The following ARFGEF2 variants were observed in gnomAD, a reference collection of about 807,000 sequenced individuals.
The protein encoded by ARFGEF2 is brefeldin A-inhibited guanine nucleotide-exchange protein 2.
In ARFGEF2, 74 loss-of-function variants were observed where a neutral mutation model predicts 219.9. That is an observed-to-expected ratio of 0.34 (90% CI 0.28 to 0.41). The LOEUF (loss-of-function observed/expected upper bound fraction) is 0.41, where lower values mean the gene tolerates loss of function less well. ARFGEF2 is among the 10% of genes least tolerant of loss of function. The probability of loss-of-function intolerance (pLI) is 1.00; values close to 1 mark genes in which losing one functional copy is unlikely to be tolerated. For synonymous variants in ARFGEF2, 733 were observed against 799.2 expected (o/e 0.92, Z 1.40); for missense variants, 1,743 against 2,218.3 (o/e 0.79, Z 4.30).
At chr20:48,935,248 C>G (rs2090940504) in intron 1 of ARFGEF2, among the ~76,000 whole-genome samples, 1 of 152,088 alleles carries the variant, frequency 6.6e-6, no homozygotes, top group Non-Finnish European at 1.5e-5. Context: ...CGGCCTTCCG[C>G]AGTGTTTGTG....
At chr20:48,924,469 G>C (rs1035886074) in intron 1 of ARFGEF2, among the ~76,000 whole-genome samples, 1 of 135,844 alleles carries the variant, frequency 7.4e-6, no homozygotes, top group South Asian at 2.3e-4. Flanking sequence ...CTGAGATTGC[G>C]CCACTGCACT....
Position 49,034,737 on chromosome 20 carries a change from C to T in ARFGEF2, c.*1538C>T, listed in dbSNP as rs2091656343. 6.6e-6 allele frequency: 1 copy of T among 152,192 alleles called. No homozygotes were observed. The highest frequency in any genetic ancestry group is 2.1e-4 in the South Asian group (1 of 4,832). The allele number at this position is 152,192 out of a possible 1,614,324, so 9.4% of individuals were successfully genotyped here. On this transcript the variant is annotated 3_prime_UTR_variant, in exon 39 of 39. Coordinates refer to ENST00000371917, the MANE Select transcript of ARFGEF2 (RefSeq NM_006420.3). Reference sequence around the variant, plus strand: ...GTTTTTTCTTTGTAGAGAAGGATTTCTGGTGCTTTTGCTTACTAAGAGACC... The same window carrying T: ...GTTTTTTCTTTGTAGAGAAGGATTTTTGGTGCTTTTGCTTACTAAGAGACC...
chr20:48,944,811 G>C (rs544639856), intron 3 of ARFGEF2, among the ~76,000 whole-genome samples: 9 of 152,170 alleles, frequency 5.9e-5, no homozygotes, highest in African/African-American at 2.2e-4. Flanking sequence ...TTAACCAGGG[G>C]TCATCAGCTT....
intron 34 of ARFGEF2, among the ~76,000 whole-genome samples, chr20:49,020,032 AG>A (rs1416486457): frequency 6.6e-6 from 1 of 152,232 alleles, no homozygotes; most frequent in Non-Finnish European, 1.5e-5. Context: ...TAATCCTCAT[AG>A]TAGCCTTTGA....
intron 6 of ARFGEF2, among the ~76,000 whole-genome samples, chr20:48,959,949 A>T (rs376991522): frequency 6.4e-4 from 97 of 152,276 alleles, no homozygotes; most frequent in African/African-American, 2.2e-3. Context: ...GCATTCAGAA[A>T]ATATAACTAA....
At chr20:49,013,005 G>C (rs1057472914) in intron 28 of ARFGEF2, among the ~76,000 whole-genome samples, 1 of 152,130 alleles carries the variant, frequency 6.6e-6, no homozygotes, top group South Asian at 2.1e-4. Flanking sequence ...AAGACTGCCA[G>C]GTCCTAGCTG....
intron 8 of ARFGEF2, among the ~76,000 whole-genome samples, chr20:48,968,245 A>C (rs1186954495): frequency 2.0e-5 from 3 of 152,102 alleles, no homozygotes; most frequent in South Asian, 2.1e-4. Flanking sequence ...CGCCCGCCTC[A>C]GCCTCCCAAA....
chr20:49,018,260 G>A (rs2091543104), intron 33 of ARFGEF2, among the ~76,000 whole-genome samples: 1 of 152,062 alleles, frequency 6.6e-6, no homozygotes, highest in South Asian at 2.1e-4. Flanking sequence ...TCGAGACAGA[G>A]TCTCGCTCTG....
chr20:48,945,929 A>T (rs73264233), intron 3 of ARFGEF2, among the ~76,000 whole-genome samples: 2,128 of 152,312 alleles, frequency 0.014, 47 homozygotes, highest in African/African-American at 0.048. Context: ...ATTCTCTGAG[A>T]TGTAATAGGT....
intron 31 of ARFGEF2, among the ~76,000 whole-genome samples, chr20:49,016,651 T>C (rs1319568278): frequency 6.6e-6 from 1 of 152,196 alleles, no homozygotes; most frequent in Non-Finnish European, 1.5e-5. Context: ...TGTACCTTCA[T>C]GTATTATACT....
At chr20:48,946,225 G>A (rs1056731779) in intron 3 of ARFGEF2, among the ~76,000 whole-genome samples, 69 of 152,314 alleles carry the variant, frequency 4.5e-4, no homozygotes, top group African/African-American at 1.5e-3. Flanking sequence ...GCAGCAGTAG[G>A]AGTGGCAAAG....
chr20:48,958,382 C>G (rs1453696724), intron 6 of ARFGEF2, among the ~76,000 whole-genome samples: 1 of 151,940 alleles, frequency 6.6e-6, no homozygotes, highest in South Asian at 2.1e-4. Flanking sequence ...CCAGAGCCCT[C>G]GCTGTTATTC....
intron 4 of ARFGEF2, among the ~76,000 whole-genome samples, chr20:48,951,828 C>T (rs1008945700): frequency 6.6e-6 from 1 of 152,108 alleles, no homozygotes; most frequent in Non-Finnish European, 1.5e-5. Context: ...CTTCCCTGTT[C>T]GATTTCTGCT....
intron 34 of ARFGEF2, among the ~76,000 whole-genome samples, chr20:49,022,154 CAAAAAA>C (rs58870256): frequency 5.7e-5 from 4 of 70,182 alleles, no homozygotes; most frequent in African/African-American, 2.1e-4. Context: ...GACTCCGTCT[CAAAAAA>C]AAAAAAAAAA....
chr20:48,961,186 T>C (rs2091148320), intron 6 of ARFGEF2, among the ~76,000 whole-genome samples: 1 of 151,534 alleles, frequency 6.6e-6, no homozygotes, highest in Admixed American at 6.6e-5. Flanking sequence ...TTTTTAACTT[T>C]TTGGCTCTTG....
At position 49,033,044 on chromosome 20, in the gene ARFGEF2, T is replaced by G; in HGVS notation, c.5203T>G (p.Tyr1735Asp). ...DEKFKAHASM[Y>D]YPYLCEIMQF... is the part of the protein sequence containing the mutation. Reference sequence around the variant, plus strand: ...CAAGTTCAAAGCACATGCTTCAATGTACTACCCCTACTTGTGTGAAATTAT... The same window carrying G: ...CAAGTTCAAAGCACATGCTTCAATGGACTACCCCTACTTGTGTGAAATTAT... Residue 1735 changes from tyrosine to aspartate, a missense_variant, in exon 39 of 39, where the codon TAC becomes GAC. By Grantham distance (160) the Tyr-to-Asp change is radical. Transcript: ENST00000371917. The G allele has an allele frequency of 6.2e-7, 1 of 1,614,230 alleles. No homozygotes were observed. Among genetic ancestry groups the G allele is most frequent in the Non-Finnish European group, 8.5e-7 (1 of 1,180,034 alleles).
At chr20:48,930,812 C>T (rs1206281469) in intron 1 of ARFGEF2, among the ~76,000 whole-genome samples, 4 of 152,072 alleles carry the variant, frequency 2.6e-5, no homozygotes, top group East Asian at 1.9e-4. Flanking sequence ...CCTGGTGAGA[C>T]GGTATACAGA....
chr20:48,938,824 C>T (rs758869047), intron 1 of ARFGEF2, among the ~76,000 whole-genome samples: 1 of 152,178 alleles, frequency 6.6e-6, no homozygotes, highest in Non-Finnish European at 1.5e-5. Context: ...TGAGGAGCTG[C>T]CGCACCCCTT....
At chr20:49,024,472 C>T (rs78844922) in intron 35 of ARFGEF2, among the ~76,000 whole-genome samples, 170 of 152,288 alleles carry the variant, frequency 1.1e-3, no homozygotes, top group African/African-American at 4.0e-3. Context: ...TCAGCTTTAG[C>T]GCCCGATTAC....
Sources: allele counts gnomAD v4.1 joint callset (sites outside exome capture counted in the v4.1 genomes callset), GRCh38; gene constraint gnomAD v4.1.1; transcripts MANE v1.5; gene names NCBI Gene and HGNC (gene_info 2026-07-23, HGNC 2026-07-21).